The following ZFYVE16 variants were observed in gnomAD, a reference collection of about 807,000 sequenced individuals.
ZFYVE16 encodes the protein zinc finger FYVE-type containing 16, also known as zinc finger FYVE domain-containing protein 16.
Under a neutral mutation model 138.1 loss-of-function variants are expected in ZFYVE16, and 89 were observed. That is an observed-to-expected ratio of 0.64 (90% CI 0.54 to 0.77). The LOEUF (loss-of-function observed/expected upper bound fraction) is 0.77, where lower values mean the gene tolerates loss of function less well. Ranked by LOEUF, ZFYVE16 falls within the 30% of genes least tolerant of loss-of-function variation. ZFYVE16 has a pLI of 0.00. For missense variants in ZFYVE16, 1,793 were observed against 1,786.7 expected, an observed-to-expected ratio of 1.00 and a Z score of -0.06; for synonymous variants, 596 against 618.3, an observed-to-expected ratio of 0.96 and a Z score of 0.53.
rs138405330 is a variant in ZFYVE16, at chr5:80,431,361, A to G, written c.-39-2748A>G. 2.9e-3 allele frequency among the ~76,000 whole-genome samples: 438 copies of G among 152,358 alleles called. 2 individuals carry two copies. The highest frequency in any genetic ancestry group is 0.01 in the African/African-American group (419 of 41,584). ...ACCACATGATTATCTCAATAGATGC[A>G]GAAAAGGCCTTTGACAAAATTCAAT... is the stretch of plus-strand genomic sequence containing the variant. On this transcript the variant is annotated intron_variant, in intron 2 of 18. Coordinates refer to ENST00000505560, the MANE Select transcript of ZFYVE16 (RefSeq NM_001284236.3).
At chr5:80,456,714 G>A (rs1054848053) in intron 13 of ZFYVE16, 149 bp downstream of exon 13, 1 of 880,830 alleles carries the variant, frequency 1.1e-6, no homozygotes, top group African/African-American at 1.7e-5. Context: ...TTTGTTTACT[G>A]TAAATAATCT....
At chr5:80,435,954 TA>T (rs1386101276) in intron 3 of ZFYVE16, 1 of 200,652 alleles carries the variant, frequency 5.0e-6, no homozygotes, top group Non-Finnish European at 1.0e-5. Context: ...GGAAGTAATT[TA>T]AAGTCAAATA....
intron 9 of ZFYVE16, 144 bp from the exon 10 acceptor site, chr5:80,450,287 A>G: frequency 1.4e-6 from 1 of 727,758 alleles, no homozygotes; most frequent in Non-Finnish European, 2.2e-6. Flanking sequence ...TATAAATCTT[A>G]TACAATTCAA....
intron 6 of ZFYVE16, chr5:80,443,882 C>G (rs1275712309): frequency 2.2e-6 from 1 of 456,082 alleles, no homozygotes; most frequent in African/African-American, 2.0e-5. Flanking sequence ...CATCCAAGAG[C>G]CCACTGTAGA....
chr5:80,440,119 T>C, intron 5 of ZFYVE16, 87 bp downstream of exon 5: 1 of 1,453,376 alleles, frequency 6.9e-7, no homozygotes, highest in Non-Finnish European at 9.1e-7. Flanking sequence ...CTTCTTTATT[T>C]TCTTAAGGCA....
intron 1 of ZFYVE16, among the ~76,000 whole-genome samples, chr5:80,419,321 G>C (rs911007646): frequency 5.9e-5 from 9 of 152,028 alleles, no homozygotes; most frequent in African/African-American, 1.7e-4. Context: ...CCAGCATTCT[G>C]CCTGCCTCTG....
intron 5 of ZFYVE16, chr5:80,441,493 A>T (rs936552237): frequency 1.0e-6 from 1 of 985,320 alleles, no homozygotes; most frequent in African/African-American, 1.7e-5. Context: ...CATAAATAAA[A>T]GTTAATACCA....
chr5:80,429,352 G>A (rs1748630968), intron 2 of ZFYVE16, among the ~76,000 whole-genome samples: 1 of 152,266 alleles, frequency 6.6e-6, no homozygotes, highest in East Asian at 1.9e-4. Context: ...GCCAAACTAA[G>A]CTTCATAAGT....
chr5:80,473,669 C>G lies in ZFYVE16; in HGVS notation c.4188-85C>G, dbSNP rs986221334. 3.3e-5 allele frequency: 30 copies of G among 897,418 alleles called. No individual in the cohort carries two copies. The African/African-American group carries it at 4.3e-4, about 13-fold the overall frequency. 55.6% of individuals were successfully genotyped at this position (897,418 alleles called of 1,614,324 possible). A position where few individuals can be genotyped will look rare whatever the true frequency, so the allele number is the denominator to read the frequency against. On this transcript the variant is annotated intron_variant, in intron 16 of 18. Transcript: ENST00000505560. ...ACATATCTTCTTTTATATTTTTTCCCTCATTCCATTTGTTCAAATCTAATA... is the reference window on the plus strand; with the variant it reads ...ACATATCTTCTTTTATATTTTTTCCGTCATTCCATTTGTTCAAATCTAATA...
intron 5 of ZFYVE16, chr5:80,440,703 T>G (rs940007273): frequency 6.1e-6 from 6 of 978,184 alleles, no homozygotes; most frequent in Admixed American, 1.3e-4. Flanking sequence ...TGTGTGTGTG[T>G]GGTGTTTTTT....
chr5:80,478,114 TA>T lies in ZFYVE16; in HGVS notation c.*740del, dbSNP rs1455757973. On this transcript the variant is annotated 3_prime_UTR_variant, in exon 19 of 19. Transcript: ENST00000505560. ...GCAAGAACATATTCTGAATGTTTTATAAATCTTTAATAATTTATATGTAGGT... is the reference window on the plus strand; with the variant it reads ...GCAAGAACATATTCTGAATGTTTTATAATCTTTAATAATTTATATGTAGGT... 2.0e-5 allele frequency: 3 copies of T among 152,136 alleles called. No homozygotes were observed. The highest frequency in any genetic ancestry group is 4.4e-5 in the Non-Finnish European group (3 of 67,958). 9.4% of individuals were successfully genotyped at this position (152,136 alleles called of 1,614,324 possible).
chr5:80,469,268 A>G (rs770581031), intron 15 of ZFYVE16, among the ~76,000 whole-genome samples: 5 of 151,534 alleles, frequency 3.3e-5, no homozygotes, highest in Non-Finnish European at 5.9e-5. Context: ...ACACCTGGCT[A>G]TTTTTTTGTT....
chr5:80,468,054 C>A (rs1487299439), intron 15 of ZFYVE16, among the ~76,000 whole-genome samples: 1 of 152,096 alleles, frequency 6.6e-6, no homozygotes, highest in African/African-American at 2.4e-5. Context: ...GTTGATGGCA[C>A]CCATATGCTT....
At position 80,438,769 on chromosome 5, in the gene ZFYVE16, C is replaced by T. The variant is rs1316892403; in HGVS notation, c.2084C>T (p.Ala695Val). ...ATCACTTGTGCTATAGATTCTACAG[C>T]TGATCCACAGGTTAGCTTCAACTCT... ...VPITCAIDST[A>V]DPQVSFNSNY... Residue 695 changes from alanine to valine, a missense_variant, in exon 4 of 19, where the codon GCT (alanine) becomes GTT (valine). By Grantham distance (64) the Ala-to-Val change is moderately conservative (BLOSUM62 0). This residue lies in a region of ZFYVE16 where 1,295 missense variants were observed against 1,204.3 expected (regional missense o/e 1.08). Transcript: ENST00000505560. The T allele has an allele frequency of 1.9e-6, 3 of 1,614,116 alleles. No homozygotes were observed. The highest frequency in any genetic ancestry group is 1.7e-6 in the Non-Finnish European group (2 of 1,179,976).
intron 1 of ZFYVE16, among the ~76,000 whole-genome samples, chr5:80,426,266 G>GTC (rs1748030410): frequency 2.5e-4 from 14 of 55,014 alleles, no homozygotes; most frequent in African/African-American, 6.4e-4. Flanking sequence ...GTGTGTGTGT[G>GTC]TGTGTGTATA....
chr5:80,442,973 G>GT, intron 5 of ZFYVE16, 150 bp from the exon 6 acceptor site: 1 of 707,712 alleles, frequency 1.4e-6, no homozygotes, highest in Non-Finnish European at 2.2e-6. Context: ...TACTCAGACA[G>GT]TATCTTTGCC....
chr5:80,416,507 G>A (rs918699523), intron 1 of ZFYVE16, among the ~76,000 whole-genome samples: 2 of 150,388 alleles, frequency 1.3e-5, no homozygotes, highest in East Asian at 2.0e-4. Flanking sequence ...TGCCTGCCTC[G>A]GCCTCCCAAA....
chr5:80,437,333 A>T lies in ZFYVE16; in HGVS notation c.648A>T (p.Ser216=). 1 of 1,602,240 alleles carries T rather than the reference A, an allele frequency of 6.2e-7. No homozygotes were observed. Among genetic ancestry groups the T allele is most frequent in the Non-Finnish European group, 8.5e-7 (1 of 1,175,770 alleles). The change falls in exon 4 of 19, where the codon TCA becomes TCT. Residue 216 remains serine (S), a synonymous_variant. Coordinates refer to ENST00000505560, the MANE Select transcript of ZFYVE16 (RefSeq NM_001284236.3). ...GTATAAAAGTAGATACAACACTTTC[A>T]GATTCCTATAATTACAGTGGAACAG... is the stretch of plus-strand genomic sequence containing the variant. ...ELGIKVDTTL[S]DSYNYSGTEN...
At chr5:80,468,540 A>G (rs997914239) in intron 15 of ZFYVE16, among the ~76,000 whole-genome samples, 8 of 152,342 alleles carry the variant, frequency 5.3e-5, no homozygotes, top group East Asian at 3.9e-4. Flanking sequence ...AGTAAAAAAT[A>G]CTGTACTATA....
Sources: gnomAD v4.1 joint callset for allele counts (sites outside exome capture counted in the v4.1 genomes callset) on GRCh38, gnomAD v4.1.1 for gene constraint, gnomAD v4.1.1 regional missense constraint, MANE v1.5 for transcripts, NCBI Gene and HGNC (gene_info 2026-07-23, HGNC 2026-07-21) for gene names.